Variants in MICAL3 observed in about 807,000 individuals in gnomAD.
MICAL3 encodes [F-actin]-monooxygenase MICAL3.
MICAL3 carries 62 observed loss-of-function variants against 207.4 expected under a neutral mutation model. The observed-to-expected ratio is 0.30, with a 90% CI of 0.24 to 0.37. The LOEUF (loss-of-function observed/expected upper bound fraction) is 0.37, where lower values mean the gene tolerates loss of function less well. Ranked by LOEUF, MICAL3 falls within the 10% of genes least tolerant of loss-of-function variation. MICAL3 has a pLI of 1.00. For synonymous variants in MICAL3, 1,077 were observed against 1,069.3 expected (o/e 1.01, Z -0.14); for missense variants, 2,368 against 2,635.6 (o/e 0.90, Z 2.22).
chr22:17,988,151 C>G (rs1921241180), intron 1 of MICAL3, among the ~76,000 whole-genome samples: 2 of 152,158 alleles, frequency 1.3e-5, no homozygotes. Flanking sequence ...TTCTTCAGAA[C>G]CAAGTCATAC....
chr22:17,929,969 C>A (rs1933160867), intron 1 of MICAL3, among the ~76,000 whole-genome samples: 1 of 152,126 alleles, frequency 6.6e-6, no homozygotes, highest in African/African-American at 2.4e-5. Flanking sequence ...TCTGTATAAA[C>A]CAATACGGAA....
intron 19 of MICAL3, chr22:17,861,983 C>G: frequency 2.0e-6 from 2 of 985,262 alleles, no homozygotes; most frequent in Non-Finnish European, 2.4e-6. Context: ...AGAAAAAGAA[C>G]ATAAAGGAGA....
intron 1 of MICAL3, among the ~76,000 whole-genome samples, chr22:17,955,443 C>G (rs1380460567): frequency 6.6e-6 from 1 of 152,212 alleles, no homozygotes; most frequent in African/African-American, 2.4e-5. Flanking sequence ...TGTCCTCCCC[C>G]TCAGGAGGGG....
intron 1 of MICAL3, among the ~76,000 whole-genome samples, chr22:18,022,798 C>CA (rs1924568845): frequency 6.6e-6 from 1 of 152,160 alleles, no homozygotes; most frequent in Non-Finnish European, 1.5e-5. Context: ...ACACATGTGA[C>CA]TCTGGTTAGT....
At chr22:17,908,567 A>G (rs187233949) in intron 1 of MICAL3, among the ~76,000 whole-genome samples, 86 of 152,286 alleles carry the variant, frequency 5.6e-4, no homozygotes, top group African/African-American at 1.8e-3. Context: ...TCGGCCTCCC[A>G]AAGTGCTGGG....
At chr22:18,017,419 G>T (rs1253459068) in intron 1 of MICAL3, among the ~76,000 whole-genome samples, 2 of 151,520 alleles carry the variant, frequency 1.3e-5, no homozygotes, top group Non-Finnish European at 2.9e-5. Context: ...GTTTCACAAT[G>T]TTGGCCAGGC....
chr22:17,818,575 G>A lies in MICAL3; in HGVS notation c.4086C>T (p.Ser1362=), dbSNP rs1273607038. The A allele has an allele frequency of 1.9e-6, 3 of 1,613,692 alleles. No homozygotes were observed. The highest frequency in any genetic ancestry group is 1.1e-5 in the South Asian group (1 of 91,084). ...SFPTPAFRPV[S]LKSYSVEKSP... The stretch of plus-strand genomic sequence containing the variant: ...ACTTTTCAACGGAATAGGATTTGAG[G>A]GACACTGGCCTGAAGGCAGGCGTGG... Residue 1362 remains serine, a synonymous_variant, in exon 26 of 32, where the codon TCC becomes TCT. Transcript: ENST00000441493.
intron 16 of MICAL3, among the ~76,000 whole-genome samples, chr22:17,877,355 G>A (rs377668086): frequency 7.8e-4 from 69 of 88,648 alleles, no homozygotes; most frequent in East Asian, 1.4e-3. Flanking sequence ...AGGTTAGGGA[G>A]GTTATGGAGG....
In MICAL3 at chr22:17,841,358, T is replaced by A. The variant is rs1264866764; in HGVS notation, c.2801+464A>T. The A allele has an allele frequency of 8.5e-6, 2 of 236,066 alleles. No individual in the cohort carries two copies. The highest frequency in any genetic ancestry group is 1.7e-4 in the East Asian group (2 of 11,824). 14.6% of individuals were successfully genotyped at this position (236,066 alleles called of 1,614,324 possible). ...TGCCTAAGCATGCATCCACTGGTGC[T>A]GCATGCGGCCCCTGGGGCACACATT... On this transcript the variant is annotated intron_variant, in intron 20 of 31. Transcript: ENST00000441493. This position sits in a 1 kb window ranked among gnomAD's most constrained non-coding sequence, Gnocchi z 4.2.
chr22:17,964,160 C>T (rs957243447), intron 1 of MICAL3, among the ~76,000 whole-genome samples: 6 of 152,114 alleles, frequency 3.9e-5, no homozygotes, highest in African/African-American at 7.2e-5. Context: ...GCTGGAATTC[C>T]GTGTTCTAAC....
intron 7 of MICAL3, 130 bp downstream of exon 7, chr22:17,899,318 G>A (rs756121531): frequency 4.1e-6 from 3 of 724,126 alleles, no homozygotes; most frequent in Non-Finnish European, 2.5e-6. Flanking sequence ...GAAAACATCA[G>A]GGGTTACCAG....
intron 1 of MICAL3, among the ~76,000 whole-genome samples, chr22:17,946,900 G>C (rs1394195029): frequency 1.3e-5 from 2 of 152,178 alleles, no homozygotes; most frequent in African/African-American, 4.8e-5. Context: ...CTCCAGCAAA[G>C]GGCCCAGCTG....
chr22:18,007,011 C>G (rs1337999313), intron 1 of MICAL3, among the ~76,000 whole-genome samples: 1 of 151,514 alleles, frequency 6.6e-6, no homozygotes, highest in African/African-American at 2.4e-5. Flanking sequence ...CACCCGCCAT[C>G]ATGCCCGGCT....
Position 17,864,980 on chromosome 22 carries a change from T to C in MICAL3, c.2524A>G (p.Lys842Glu). The C allele has an allele frequency of 1.2e-6, 2 of 1,603,760 alleles. No homozygotes were observed. Among genetic ancestry groups the C allele is most frequent in the Non-Finnish European group, 1.7e-6 (2 of 1,171,736 alleles). The part of the protein sequence containing the change: ...AVAPLSGKEA[K>E]GPLQDGATTD... The stretch of plus-strand genomic sequence containing the variant: ...GTGGCGCCATCCTGCAGGGGTCCTT[T>C]GGCCTCCTAGGAAAGTTCATGAGAA... The change falls in exon 19 of 32, where the codon AAA (lysine) becomes GAA (glutamate). Residue 842 changes from lysine (K) to glutamate (E), a missense_variant. Coordinates refer to ENST00000441493, the MANE Select transcript of MICAL3 (RefSeq NM_015241.3).
At chr22:17,857,902 A>G (rs530073539) in intron 19 of MICAL3, among the ~76,000 whole-genome samples, 92 of 152,366 alleles carry the variant, frequency 6.0e-4, no homozygotes, top group Admixed American at 1.1e-3. Flanking sequence ...GGTTGGGCTT[A>G]GCTAGCCTGA....
At chr22:17,834,586 C>A (rs1448487362) in intron 20 of MICAL3, 5 of 1,126,008 alleles carry the variant, frequency 4.4e-6, no homozygotes, top group African/African-American at 1.7e-5. Flanking sequence ...TTAAAAATAA[C>A]AAAAGCTCCT....
At chr22:17,901,404 G>A (rs752802217) in intron 5 of MICAL3, among the ~76,000 whole-genome samples, 13 of 152,124 alleles carry the variant, frequency 8.5e-5, no homozygotes, top group Non-Finnish European at 1.9e-4. Flanking sequence ...CAGGTGAGGT[G>A]GTTCACGCCT....
chr22:17,964,221 GCTCAA>G (rs1935047140), intron 1 of MICAL3, among the ~76,000 whole-genome samples: 1 of 152,174 alleles, frequency 6.6e-6, no homozygotes. Flanking sequence ...CCTCTCCTCA[GCTCAA>G]GAGGAAGAAG....
chr22:17,905,508 T>C (rs1255280917), intron 2 of MICAL3, among the ~76,000 whole-genome samples: 1 of 152,246 alleles, frequency 6.6e-6, no homozygotes, highest in Non-Finnish European at 1.5e-5. Context: ...GGCTTTGTTT[T>C]TGTTTTGTTC....
Sources: gnomAD v4.1 joint callset for allele counts (sites outside exome capture counted in the v4.1 genomes callset) on GRCh38, gnomAD v4.1.1 for gene constraint, Gnocchi (gnomAD v3.1) non-coding constraint, MANE v1.5 for transcripts, NCBI Gene and HGNC (gene_info 2026-07-23, HGNC 2026-07-21) for gene names.